GPR63: variants seen among roughly 807,000 people sequenced by gnomAD.
The protein encoded by GPR63 is probable G protein-coupled receptor 63.
Under a neutral mutation model 23.1 loss-of-function variants are expected in GPR63, and 12 were observed. The observed-to-expected ratio is 0.52, with a 90% CI of 0.33 to 0.84. The LOEUF is 0.84. Ranked by LOEUF, GPR63 falls within the 40% of genes least tolerant of loss-of-function variation. The pLI, the probability that GPR63 is intolerant of heterozygous loss-of-function variation, is 0.02. For synonymous variants in GPR63, 172 were observed against 191.1 expected (o/e 0.90, Z 0.82); for missense variants, 472 against 515.6 (o/e 0.92, Z 0.82).
At chr6:96,835,410 A>G (rs1015537315) in intron 1 of GPR63, among the ~76,000 whole-genome samples, 2 of 152,138 alleles carry the variant, frequency 1.3e-5, no homozygotes, top group Non-Finnish European at 1.5e-5. Context: ...GGATATATAC[A>G]TATACAAATC....
chr6:96,799,949 G>A, intron 1 of GPR63, 68 bp from the exon 2 acceptor site: 2 of 580,566 alleles, frequency 3.4e-6, no homozygotes, highest in South Asian at 4.3e-5. Context: ...TTAACTCCAG[G>A]GCTGCCTTTC....
chr6:96,819,659 T>C (rs1374861242), intron 1 of GPR63, among the ~76,000 whole-genome samples: 1 of 150,364 alleles, frequency 6.7e-6, no homozygotes, highest in Non-Finnish European at 1.5e-5. Flanking sequence ...GTTCTGCACA[T>C]GTATCCCAGA....
intron 1 of GPR63, among the ~76,000 whole-genome samples, chr6:96,814,448 C>A (rs1774113716): frequency 6.6e-6 from 1 of 152,124 alleles, no homozygotes; most frequent in South Asian, 2.1e-4. Flanking sequence ...ATTGCTAATC[C>A]TGACAAACCA....
intron 1 of GPR63, among the ~76,000 whole-genome samples, chr6:96,819,974 CA>C (rs367728329): frequency 7.4e-4 from 63 of 85,326 alleles, no homozygotes; most frequent in East Asian, 2.6e-3. Context: ...GACTCTGTCT[CA>C]AAAAAAAAAA....
In GPR63 at chr6:96,818,744, C is replaced by T. The variant is rs530512726; in HGVS notation, c.-151+18524G>A. On this transcript the variant is annotated intron_variant, in intron 1 of 1. Transcript: ENST00000229955. ...ACACACATCAGGGTGAACAGGCAAC[C>T]CAAGAATGGGAGAAAATTTTTGCAA... is the stretch of plus-strand genomic sequence containing the variant. Among the ~76,000 whole-genome samples, 3 of 151,958 alleles carry T rather than the reference C, an allele frequency of 2.0e-5. No individual in the cohort carries two copies. The South Asian group carries it at 6.2e-4, about 32-fold the overall frequency.
At chr6:96,818,516 A>C (rs2127954404) in intron 1 of GPR63, among the ~76,000 whole-genome samples, 1 of 152,290 alleles carries the variant, frequency 6.6e-6, no homozygotes, top group Non-Finnish European at 1.5e-5. Context: ...AGCAATCCTA[A>C]GGTTTACATT....
chr6:96,797,246 A>G lies in GPR63; in HGVS notation c.*1226T>C, dbSNP rs1453564979. On this transcript the variant is annotated 3_prime_UTR_variant, in exon 2 of 2. Coordinates refer to ENST00000229955, the MANE Select transcript of GPR63 (RefSeq NM_030784.4). ...ACTCCAAAAAACAAAAAGTGGTTGT[A>G]AGTGATTTTATTTTTTCTTTTCTAT... The G allele has an allele frequency of 6.6e-6, 1 of 152,182 alleles. No individual in the cohort carries two copies. The highest frequency in any genetic ancestry group is 1.5e-5 in the Non-Finnish European group (1 of 68,040). The allele number at this position is 152,182 out of a possible 1,614,324, so 9.4% of individuals were successfully genotyped here.
intron 1 of GPR63, among the ~76,000 whole-genome samples, chr6:96,823,543 TAA>T (rs1412650925): frequency 6.6e-6 from 1 of 152,174 alleles, no homozygotes; most frequent in African/African-American, 2.4e-5. Context: ...TTAAGAAATT[TAA>T]AAGTGTATAA....
intron 1 of GPR63, among the ~76,000 whole-genome samples, chr6:96,823,427 T>C (rs1774359353): frequency 1.3e-5 from 2 of 152,068 alleles, no homozygotes; most frequent in African/African-American, 4.8e-5. Flanking sequence ...GTTAACAAAA[T>C]TTTAATAGAA....
intron 1 of GPR63, among the ~76,000 whole-genome samples, chr6:96,835,791 A>G (rs1774712033): frequency 1.3e-5 from 2 of 152,194 alleles, no homozygotes; most frequent in Admixed American, 1.3e-4. Context: ...ACAAAATTTT[A>G]CAGTATTACT....
chr6:96,828,503 C>G (rs1338611105), intron 1 of GPR63, among the ~76,000 whole-genome samples: 2 of 148,306 alleles, frequency 1.3e-5, no homozygotes, highest in Non-Finnish European at 3.0e-5. Context: ...TCTGGGTAAC[C>G]ACTAAAATAA....
intron 1 of GPR63, among the ~76,000 whole-genome samples, chr6:96,834,228 C>G (rs893569871): frequency 6.6e-6 from 1 of 152,216 alleles, no homozygotes; most frequent in Non-Finnish European, 1.5e-5. Flanking sequence ...GGCATACCGC[C>G]TCAAGCCAAC....
intron 1 of GPR63, among the ~76,000 whole-genome samples, chr6:96,835,966 T>G (rs1237531171): frequency 6.6e-6 from 1 of 152,170 alleles, no homozygotes; most frequent in Non-Finnish European, 1.5e-5. Flanking sequence ...GCTCCCACAT[T>G]CTGTTTTTAT....
chr6:96,825,241 G>A (rs184065712), intron 1 of GPR63, among the ~76,000 whole-genome samples: 446 of 152,110 alleles, frequency 2.9e-3, no homozygotes, highest in Non-Finnish European at 5.2e-3. Flanking sequence ...TAGCCCAAAT[G>A]CTGAGTTTGT....
chr6:96,833,005 T>G (rs903948001), intron 1 of GPR63, among the ~76,000 whole-genome samples: 1 of 152,240 alleles, frequency 6.6e-6, no homozygotes. Context: ...TCTGAAGAAG[T>G]GCTGAGTAGG....
chr6:96,835,455 C>T (rs1774701545), intron 1 of GPR63, among the ~76,000 whole-genome samples: 1 of 151,984 alleles, frequency 6.6e-6, no homozygotes, highest in Non-Finnish European at 1.5e-5. Context: ...AATACTCATT[C>T]ACAAAACAAT....
At chr6:96,832,199 G>T (rs971061908) in intron 1 of GPR63, among the ~76,000 whole-genome samples, 8 of 151,980 alleles carry the variant, frequency 5.3e-5, no homozygotes, top group Admixed American at 3.3e-4. Flanking sequence ...GCTAATAATA[G>T]TTATATCTGG....
At chr6:96,829,542 T>A (rs1774527031) in intron 1 of GPR63, among the ~76,000 whole-genome samples, 1 of 151,370 alleles carries the variant, frequency 6.6e-6, no homozygotes, top group South Asian at 2.1e-4. Context: ...AAAATAAAAA[T>A]AAAAAAAATT....
chr6:96,834,518 T>C (rs1234553654), intron 1 of GPR63, among the ~76,000 whole-genome samples: 3 of 152,018 alleles, frequency 2.0e-5, no homozygotes, highest in Non-Finnish European at 4.4e-5. Flanking sequence ...TTCATGTGTC[T>C]TCAAGGAAAC....
Sources: gnomAD v4.1 joint callset for allele counts (sites outside exome capture counted in the v4.1 genomes callset) on GRCh38, gnomAD v4.1.1 for gene constraint, MANE v1.5 for transcripts, NCBI Gene and HGNC (gene_info 2026-07-23, HGNC 2026-07-21) for gene names.